FABP6: variants seen among roughly 807,000 people sequenced by gnomAD.
FABP6 encodes fatty acid binding protein 6, also known as gastrotropin.
A neutral mutation model predicts 14.9 loss-of-function variants in FABP6; 13 were observed. The observed-to-expected ratio is 0.87, with a 90% confidence interval of 0.57 to 1.39. The LOEUF (loss-of-function observed/expected upper bound fraction) is 1.39. Among genes scored for constraint, FABP6 ranks in the 40% most tolerant of loss-of-function variants. The pLI is 0.00. For missense variants in FABP6, 161 were observed against 167.2 expected (o/e 0.96, Z 0.20); for synonymous variants, 75 against 63.6 (o/e 1.18, Z -0.85).
At chr5:160,202,094 C>A (rs970182542) in intron 2 of FABP6, among the ~76,000 whole-genome samples, 2 of 151,880 alleles carry the variant, frequency 1.3e-5, no homozygotes, top group African/African-American at 4.8e-5. Context: ...TTCATTTATT[C>A]TTTCACCAAA....
intron 1 of FABP6, among the ~76,000 whole-genome samples, chr5:160,191,484 A>G (rs994170732): frequency 7.7e-6 from 1 of 129,102 alleles, no homozygotes; most frequent in African/African-American, 2.9e-5. Context: ...ACAAACCCCA[A>G]ACCTTACCTT....
chr5:160,231,645 C>T (rs1414203856), intron 1 of FABP6, among the ~76,000 whole-genome samples: 2 of 152,298 alleles, frequency 1.3e-5, no homozygotes, highest in South Asian at 4.1e-4. Context: ...ATCTGCCTGC[C>T]TCGGGCCCTC....
chr5:160,219,949 G>A (rs557903603), intron 3 of FABP6, among the ~76,000 whole-genome samples: 8 of 152,168 alleles, frequency 5.3e-5, no homozygotes, highest in East Asian at 1.9e-4. Context: ...CCCCAGTAGC[G>A]TATGAACACA....
At chr5:160,219,830 G>A (rs1317675213) in intron 3 of FABP6, among the ~76,000 whole-genome samples, 1 of 152,144 alleles carries the variant, frequency 6.6e-6, no homozygotes, top group Non-Finnish European at 1.5e-5. Flanking sequence ...TCACTGGGGA[G>A]TTTGTCAAAA....
intron 3 of FABP6, among the ~76,000 whole-genome samples, chr5:160,216,970 C>CA (rs756599480): frequency 3.3e-5 from 5 of 152,328 alleles, no homozygotes; most frequent in East Asian, 1.9e-4. Context: ...TGTAGCCAGA[C>CA]ATCCTCCTCC....
At chr5:160,195,220 G>T (rs1759484782) in intron 1 of FABP6, among the ~76,000 whole-genome samples, 1 of 140,264 alleles carries the variant, frequency 7.1e-6, no homozygotes, top group African/African-American at 2.7e-5. Flanking sequence ...GGAGGCAGAG[G>T]TTGCAGTTAG....
At position 160,231,616 on chromosome 5, in the gene FABP6, G is replaced by A. The variant is rs192661135; in HGVS notation, c.68-482G>A. On this transcript the variant is annotated intron_variant, in intron 1 of 3. Coordinates refer to ENST00000402432, the MANE Select transcript of FABP6 (RefSeq NM_001445.3). ...TTACCATGTTAGCCAGGCTGGTCTC[G>A]AACTTCTGACCTTAAACGATCTGCC... Among the ~76,000 whole-genome samples, 97 of 152,202 alleles carry A rather than the reference G, an allele frequency of 6.4e-4. 1 individual carries two copies. The highest frequency in any genetic ancestry group is 5.8e-3 in the South Asian group (28 of 4,826).
intron 2 of FABP6, among the ~76,000 whole-genome samples, chr5:160,211,537 C>G (rs1281385946): frequency 6.6e-6 from 1 of 152,144 alleles, no homozygotes; most frequent in Non-Finnish European, 1.5e-5. Flanking sequence ...GTCCAAGTGA[C>G]AGAGCCTGTA....
In FABP6 at chr5:160,201,439, G is replaced by A. The variant is rs866310121; in HGVS notation, c.51+2282G>A. On this transcript the variant is annotated intron_variant, in intron 2 of 6. Transcript: ENST00000393980. ...GTAGGGTGGAAGGGGATGGGAGTGA[G>A]GTGAGGTGGGAGATTTTCCCCATAG... 3.9e-5 allele frequency among the ~76,000 whole-genome samples: 6 copies of A among 152,134 alleles called. No homozygotes were observed. The South Asian group carries it at 1.2e-3, about 32-fold the overall frequency.
rs139152637 is a variant in FABP6 at position 160,232,203 on chromosome 5, A to G, written c.173A>G (p.His58Arg). 40 of 1,613,548 alleles carry G rather than the reference A, an allele frequency of 2.5e-5. No homozygotes were observed. In the African/African-American group the frequency reaches 4.8e-4, roughly 19 times the overall value. ...FTWSQHYSGG[H>R]TMTNKFTVGK... ...TGGTCCCAGCACTACTCCGGGGGCC[A>G]CACCATGACCAACAAGTTCACTGTT... Residue 58 changes from histidine (H) to arginine (R), a missense_variant, in exon 2 of 4, where the codon CAC becomes CGC. Physicochemically the swap from His to Arg is conservative, Grantham distance 29. Coordinates refer to ENST00000402432, the MANE Select transcript of FABP6 (RefSeq NM_001445.3).
intron 2 of FABP6, among the ~76,000 whole-genome samples, chr5:160,201,945 G>A (rs970234768): frequency 3.3e-5 from 5 of 152,172 alleles, no homozygotes; most frequent in Admixed American, 3.3e-4. Flanking sequence ...GTATTTTTTT[G>A]TAGAGATGAG....
At chr5:160,212,752 A>G (rs1339878357) in intron 2 of FABP6, among the ~76,000 whole-genome samples, 1 of 152,152 alleles carries the variant, frequency 6.6e-6, no homozygotes, top group Non-Finnish European at 1.5e-5. Context: ...TACAGGTGTG[A>G]GCCACCGTGC....
intron 1 of FABP6, among the ~76,000 whole-genome samples, chr5:160,187,813 C>T (rs1272160226): frequency 2.6e-5 from 4 of 151,970 alleles, no homozygotes; most frequent in Non-Finnish European, 4.4e-5. Flanking sequence ...AGTGCAATGG[C>T]GCTATCTCGG....
intron 1 of FABP6, among the ~76,000 whole-genome samples, chr5:160,193,469 G>A (rs558678764): frequency 1.3e-5 from 2 of 152,282 alleles, no homozygotes; most frequent in African/African-American, 2.4e-5. Context: ...CAGGCAGCCT[G>A]CTTTTATTCT....
chr5:160,193,358 G>A (rs1030363522), intron 1 of FABP6, among the ~76,000 whole-genome samples: 7 of 152,092 alleles, frequency 4.6e-5, no homozygotes, highest in Admixed American at 6.6e-5. Flanking sequence ...AAAAGCAGTG[G>A]GGACCCAAAG....
intron 1 of FABP6, chr5:160,197,829 T>G (rs1759540715): frequency 6.6e-6 from 1 of 151,650 alleles, no homozygotes; most frequent in Admixed American, 6.6e-5. Context: ...GAAGTCAGCC[T>G]CCCCCTGCTC....
chr5:160,233,602 C>T lies in FABP6; in HGVS notation c.244-1218C>T, dbSNP rs1015414151. ...TAGAAGTGAAGAAACTGGCCGGGCACGGTGGCTCACGCCTGTAATCCCAGC... is the reference window on the plus strand; with the variant it reads ...TAGAAGTGAAGAAACTGGCCGGGCATGGTGGCTCACGCCTGTAATCCCAGC... On this transcript the variant is annotated intron_variant, in intron 2 of 3. Transcript: ENST00000402432. Among the ~76,000 whole-genome samples, 64 of 151,996 alleles carry T rather than the reference C, an allele frequency of 4.2e-4. 2 individuals carry two copies. Among genetic ancestry groups the T allele is most frequent in the Admixed American group, 3.9e-3 (60 of 15,246 alleles).
At chr5:160,203,585 A>G (rs920105457) in intron 2 of FABP6, among the ~76,000 whole-genome samples, 1 of 151,694 alleles carries the variant, frequency 6.6e-6, no homozygotes, top group Admixed American at 6.6e-5. Context: ...CTGGTCTCAG[A>G]CTCCTGGGAT....
At chr5:160,227,570 C>T (rs1760276825), upstream of FABP6, among the ~76,000 whole-genome samples, 1 of 149,518 alleles carries the variant, frequency 6.7e-6, no homozygotes. Context: ...CTTGTAGTCC[C>T]AGCTGTTTGG....
Sources: gnomAD v4.1 joint callset for allele counts (sites outside exome capture counted in the v4.1 genomes callset) on GRCh38, gnomAD v4.1.1 for gene constraint, MANE v1.5 for transcripts, NCBI Gene and HGNC (gene_info 2026-07-23, HGNC 2026-07-21) for gene names.